CCDC102B: variants seen among roughly 807,000 people sequenced by gnomAD.
The protein encoded by CCDC102B is coiled-coil domain containing 102B, also known as coiled-coil domain-containing protein 102B.
In CCDC102B, 75 loss-of-function variants were observed where a neutral mutation model predicts 57.4. The ratio of observed to expected loss-of-function variants is 1.31; its 90% CI spans 1.08 to 1.58. CCDC102B has a LOEUF of 1.58. Among genes scored for constraint, CCDC102B ranks in the 40% most tolerant of loss-of-function variants. The pLI, the probability that CCDC102B is intolerant of heterozygous loss-of-function variation, is 0.00. For missense variants in CCDC102B, 636 were observed against 582.6 expected, an observed-to-expected ratio of 1.09 and a Z score of -0.94; for synonymous variants, 206 against 201.9, an observed-to-expected ratio of 1.02 and a Z score of -0.17.
intron 2 of CCDC102B, among the ~76,000 whole-genome samples, chr18:68,727,007 G>C (rs1338343600): frequency 6.6e-6 from 1 of 152,116 alleles, no homozygotes; most frequent in African/African-American, 2.4e-5. Flanking sequence ...CTAAATGAGA[G>C]AACTAATGCC....
intron 7 of CCDC102B, among the ~76,000 whole-genome samples, chr18:69,041,365 C>A (rs1225199178): frequency 6.6e-6 from 1 of 151,966 alleles, no homozygotes; most frequent in African/African-American, 2.4e-5. Context: ...GTGTATCTTG[C>A]ACTTATGGTT....
intron 2 of CCDC102B, among the ~76,000 whole-genome samples, chr18:68,783,989 C>G (rs181003938): frequency 3.9e-5 from 6 of 152,062 alleles, no homozygotes; most frequent in Non-Finnish European, 8.8e-5. Flanking sequence ...TCTAATAGTG[C>G]GTTTTTCAAT....
chr18:69,041,024 G>C (rs1303918928), intron 7 of CCDC102B, among the ~76,000 whole-genome samples: 1 of 151,992 alleles, frequency 6.6e-6, no homozygotes, highest in Non-Finnish European at 1.5e-5. Flanking sequence ...AGAGAAGTAG[G>C]CTAGAGTGTT....
At chr18:68,778,694 A>G (rs999385580) in intron 2 of CCDC102B, among the ~76,000 whole-genome samples, 6 of 152,104 alleles carry the variant, frequency 3.9e-5, no homozygotes, top group Non-Finnish European at 8.8e-5. Context: ...TTCAAAGAGC[A>G]TTTATTGAAA....
At chr18:68,765,316 G>GAAA (rs1568238645) in intron 2 of CCDC102B, among the ~76,000 whole-genome samples, 366 of 36,494 alleles carry the variant, frequency 0.01, 2 homozygotes, top group East Asian at 0.05. Context: ...AAGGAAGGAA[G>GAAA]GAAGGAAGGA....
chr18:68,848,824 A>G (rs1194942759), intron 4 of CCDC102B, among the ~76,000 whole-genome samples: 1 of 151,912 alleles, frequency 6.6e-6, no homozygotes, highest in Non-Finnish European at 1.5e-5. Context: ...TCATTTTAAC[A>G]GTCAGTGACT....
intron 6 of CCDC102B, among the ~76,000 whole-genome samples, chr18:68,991,188 C>G (rs1219207088): frequency 1.4e-5 from 2 of 139,058 alleles, no homozygotes; most frequent in East Asian, 4.5e-4. Context: ...CTGTAAAACT[C>G]AATATACATG....
At chr18:68,792,356 T>G (rs1033802392) in intron 2 of CCDC102B, among the ~76,000 whole-genome samples, 1 of 152,172 alleles carries the variant, frequency 6.6e-6, no homozygotes, top group Admixed American at 6.5e-5. Flanking sequence ...GCCTAAGTAG[T>G]GGATGCCAAA....
At chr18:68,728,062 T>G (rs879536460) in intron 2 of CCDC102B, among the ~76,000 whole-genome samples, 1 of 152,204 alleles carries the variant, frequency 6.6e-6, no homozygotes, top group Non-Finnish European at 1.5e-5. Context: ...AACAAGTTGA[T>G]GCTTTAGTTC....
intron 1 of CCDC102B, among the ~76,000 whole-genome samples, chr18:68,810,471 A>G: frequency 6.6e-6 from 1 of 152,120 alleles, no homozygotes; most frequent in East Asian, 1.9e-4. Flanking sequence ...AAAAATATTC[A>G]GGAAAAATTT....
At chr18:68,853,712 A>G (rs1166922325) in intron 4 of CCDC102B, among the ~76,000 whole-genome samples, 7 of 141,340 alleles carry the variant, frequency 5.0e-5, no homozygotes, top group South Asian at 2.3e-4. Context: ...ATCTGACTCA[A>G]TGAAACCTTT....
intron 1 of CCDC102B, among the ~76,000 whole-genome samples, chr18:68,828,105 A>T (rs2036979596): frequency 1.3e-5 from 2 of 151,906 alleles, no homozygotes; most frequent in Middle Eastern, 3.4e-3. Flanking sequence ...GAAAAGAGAA[A>T]CAGACAAGTC....
At chr18:68,824,808 T>C (rs1187369524) in intron 1 of CCDC102B, among the ~76,000 whole-genome samples, 3 of 152,224 alleles carry the variant, frequency 2.0e-5, no homozygotes, top group African/African-American at 7.2e-5. Context: ...AAAAAATGTG[T>C]AATAATAACA....
chr18:68,961,778 T>C (rs902070373), intron 6 of CCDC102B, among the ~76,000 whole-genome samples: 1 of 152,216 alleles, frequency 6.6e-6, no homozygotes, highest in South Asian at 2.1e-4. Flanking sequence ...AAATAACATT[T>C]TGTCAGAAGT....
At position 69,054,961 on chromosome 18, in the gene CCDC102B, C is replaced by T. The variant is rs2052791665; in HGVS notation, c.*824C>T. 5 of 982,284 alleles carry T rather than the reference C, an allele frequency of 5.1e-6. No homozygotes were observed. In the South Asian group the frequency reaches 1.4e-4, roughly 28 times the overall value. The allele number at this position is 982,284 out of a possible 1,614,324, so 60.8% of individuals were successfully genotyped here. A position where few individuals can be genotyped will look rare whatever the true frequency, so the allele number is the denominator to read the frequency against. On this transcript the variant is annotated 3_prime_UTR_variant, in exon 8 of 8. Transcript: ENST00000360242. ...AATATTTCTTTAAAACTTTTATGTA[C>T]ATTATAGTTTATTGCTTCATATTTA...
chr18:69,047,882 A>G (rs1331884245), intron 7 of CCDC102B, among the ~76,000 whole-genome samples: 2 of 152,274 alleles, frequency 1.3e-5, no homozygotes, highest in Admixed American at 1.3e-4. Flanking sequence ...TAAATCAGAT[A>G]TGACAAAAAC....
intron 1 of CCDC102B, chr18:68,798,568 T>C (rs1168916287): frequency 6.6e-6 from 1 of 152,176 alleles, no homozygotes; most frequent in African/African-American, 2.4e-5. Context: ...TCTATATTCT[T>C]ACAGTAAAAA....
intron 6 of CCDC102B, among the ~76,000 whole-genome samples, chr18:68,906,826 G>A (rs1465360497): frequency 3.7e-5 from 4 of 107,834 alleles, no homozygotes; most frequent in Non-Finnish European, 5.5e-5. Flanking sequence ...ACATTTTGAC[G>A]AATTCTATTT....
At chr18:69,057,036 C>T (rs1274439903), downstream of CCDC102B, among the ~76,000 whole-genome samples, 1 of 151,902 alleles carries the variant, frequency 6.6e-6, no homozygotes, top group Non-Finnish European at 1.5e-5. Context: ...AAGGTTTATT[C>T]ATGTTGCATG....
Sources: gnomAD v4.1 joint callset for allele counts (sites outside exome capture counted in the v4.1 genomes callset) on GRCh38, gnomAD v4.1.1 for gene constraint, MANE v1.5 for transcripts, NCBI Gene and HGNC (gene_info 2026-07-23, HGNC 2026-07-21) for gene names.